LRRTM4: variants seen among roughly 807,000 people sequenced by gnomAD.
LRRTM4 encodes leucine rich repeat transmembrane neuronal 4.
LRRTM4 carries 25 observed loss-of-function variants against 47.6 expected under a neutral mutation model. That is an observed-to-expected ratio of 0.53 (90% CI 0.38 to 0.73). LRRTM4 has a LOEUF of 0.73. LRRTM4 is among the 30% of genes least tolerant of loss of function. The probability of loss-of-function intolerance (pLI) is 0.00; values close to 1 mark genes in which losing one functional copy is unlikely to be tolerated. For missense variants in LRRTM4, 638 were observed against 713.4 expected (o/e 0.89, Z 1.20); for synonymous variants, 311 against 269.5 (o/e 1.15, Z -1.51).
intron 3 of LRRTM4, among the ~76,000 whole-genome samples, chr2:76,887,083 A>C (rs1303107352): frequency 6.6e-6 from 1 of 151,920 alleles, no homozygotes; most frequent in Admixed American, 6.6e-5. Flanking sequence ...TGTGAGGCTA[A>C]TACGAGAATG....
chr2:77,492,997 T>G (rs1347497989), intron 3 of LRRTM4, among the ~76,000 whole-genome samples: 1 of 152,056 alleles, frequency 6.6e-6, no homozygotes, highest in East Asian at 1.9e-4. Context: ...TTTTTAGAAG[T>G]CTTATAAATC....
intron 3 of LRRTM4, among the ~76,000 whole-genome samples, chr2:76,888,402 A>T (rs1163814868): frequency 6.6e-6 from 1 of 151,530 alleles, no homozygotes; most frequent in East Asian, 1.9e-4. Context: ...ACACATACAT[A>T]GACATCTGAA....
intron 3 of LRRTM4, among the ~76,000 whole-genome samples, chr2:77,156,707 CTT>C (rs550760078): frequency 4.3e-4 from 58 of 136,056 alleles, no homozygotes; most frequent in Admixed American, 4.5e-4. Context: ...GAGCCTTCAA[CTT>C]TTTTTTTTTT....
At chr2:77,469,270 G>T (rs1677095919) in intron 3 of LRRTM4, among the ~76,000 whole-genome samples, 1 of 152,204 alleles carries the variant, frequency 6.6e-6, no homozygotes, top group South Asian at 2.1e-4. Context: ...GAAAGCAGGG[G>T]CAGTGGGCAA....
chr2:77,464,476 T>C (rs1340244474), intron 3 of LRRTM4, among the ~76,000 whole-genome samples: 2 of 152,122 alleles, frequency 1.3e-5, no homozygotes, highest in Non-Finnish European at 2.9e-5. Context: ...TATTTCAGCA[T>C]GTAATTGATA....
chr2:77,294,953 A>G (rs1158908329), intron 3 of LRRTM4, among the ~76,000 whole-genome samples: 2 of 152,188 alleles, frequency 1.3e-5, no homozygotes, highest in Non-Finnish European at 2.9e-5. Context: ...GTGTTACATT[A>G]AAGCAACATT....
At chr2:76,982,729 T>C (rs1362170245) in intron 3 of LRRTM4, among the ~76,000 whole-genome samples, 2 of 151,982 alleles carry the variant, frequency 1.3e-5, no homozygotes, top group African/African-American at 2.4e-5. Flanking sequence ...GAGGCAGGTA[T>C]AAACCAAATA....
chr2:76,959,953 T>C (rs988435905), intron 3 of LRRTM4, among the ~76,000 whole-genome samples: 1 of 151,588 alleles, frequency 6.6e-6, no homozygotes, highest in African/African-American at 2.4e-5. Context: ...ACCATTGCCT[T>C]CATAGCCACT....
chr2:77,163,164 A>T (rs1029683363), intron 3 of LRRTM4, among the ~76,000 whole-genome samples: 17 of 152,216 alleles, frequency 1.1e-4, no homozygotes, highest in Admixed American at 3.9e-4. Context: ...CCATGGCACG[A>T]GAACTATGTG....
intron 3 of LRRTM4, among the ~76,000 whole-genome samples, chr2:77,379,582 C>T (rs1016265539): frequency 1.3e-5 from 2 of 152,100 alleles, no homozygotes; most frequent in Non-Finnish European, 2.9e-5. Context: ...AATTTCACTA[C>T]ATGACTATCG....
chr2:77,204,994 C>A (rs1558632563), intron 3 of LRRTM4, among the ~76,000 whole-genome samples: 1 of 152,122 alleles, frequency 6.6e-6, no homozygotes, highest in Admixed American at 6.5e-5. Context: ...AAGGCTGTTG[C>A]TATTATACAG....
At position 76,906,181 on chromosome 2, in the gene LRRTM4, G is replaced by A. The variant is rs182095871; in HGVS notation, c.1552-157265C>T. ...AACTCTACAAGTCAGAAGAGACTGGGGGCCAATATTCAACATTCTTAAAGA... is the reference window on the plus strand; with the variant it reads ...AACTCTACAAGTCAGAAGAGACTGGAGGCCAATATTCAACATTCTTAAAGA... On this transcript the variant is annotated intron_variant, in intron 3 of 3. Coordinates refer to ENST00000409884, the MANE Select transcript of LRRTM4 (RefSeq NM_001134745.3). Among the ~76,000 whole-genome samples, 8 of 152,212 alleles carry A rather than the reference G, an allele frequency of 5.3e-5. No homozygotes were observed. In the East Asian group the frequency reaches 1.5e-3, roughly 29 times the overall value.
At chr2:76,781,942 T>C (rs559706488) in intron 3 of LRRTM4, among the ~76,000 whole-genome samples, 2 of 152,234 alleles carry the variant, frequency 1.3e-5, no homozygotes, top group African/African-American at 2.4e-5. Context: ...TCTGCTGTTA[T>C]ATTATCTTGA....
At chr2:77,050,398 T>G (rs1246118044) in intron 3 of LRRTM4, among the ~76,000 whole-genome samples, 1 of 152,148 alleles carries the variant, frequency 6.6e-6, no homozygotes, top group Non-Finnish European at 1.5e-5. Flanking sequence ...TTGTTTTAAT[T>G]TAGCCCAATC....
chr2:77,190,826 T>A (rs1309878315), intron 3 of LRRTM4, among the ~76,000 whole-genome samples: 1 of 152,230 alleles, frequency 6.6e-6, no homozygotes, highest in South Asian at 2.1e-4. Flanking sequence ...AATATATACA[T>A]AAACTGTACT....
intron 3 of LRRTM4, among the ~76,000 whole-genome samples, chr2:77,088,829 G>T (rs867255025): frequency 6.6e-6 from 1 of 152,060 alleles, no homozygotes; most frequent in East Asian, 1.9e-4. Flanking sequence ...TCCGGTAAGC[G>T]GCATCTTTTT....
At chr2:76,811,902 C>G (rs1293433867) in intron 3 of LRRTM4, among the ~76,000 whole-genome samples, 1 of 152,080 alleles carries the variant, frequency 6.6e-6, no homozygotes, top group Non-Finnish European at 1.5e-5. Context: ...AATTTCTTTC[C>G]TAGATCTTAC....
At chr2:77,248,694 C>T (rs1246205438) in intron 3 of LRRTM4, among the ~76,000 whole-genome samples, 4 of 152,066 alleles carry the variant, frequency 2.6e-5, no homozygotes, top group African/African-American at 7.2e-5. Context: ...GCAAAATAAT[C>T]GATAAATAGA....
At chr2:77,063,416 T>C (rs1410889540) in intron 3 of LRRTM4, among the ~76,000 whole-genome samples, 1 of 152,210 alleles carries the variant, frequency 6.6e-6, no homozygotes, top group Non-Finnish European at 1.5e-5. Context: ...TTGCTAACCA[T>C]GCGGCCATTA....
Sources: allele counts gnomAD v4.1 joint callset (sites outside exome capture counted in the v4.1 genomes callset), GRCh38; gene constraint gnomAD v4.1.1; transcripts MANE v1.5; gene names NCBI Gene and HGNC (gene_info 2026-07-23, HGNC 2026-07-21).